The following SMARCAD1 variants were observed in gnomAD, a reference collection of about 807,000 sequenced individuals.
SMARCAD1 encodes SWI/SNF-related matrix-associated actin-dependent regulator of chromatin subfamily A containing DEAD/H box 1.
A neutral mutation model predicts 127.1 loss-of-function variants in SMARCAD1; 25 were observed. The observed-to-expected ratio is 0.20, with a 90% CI of 0.14 to 0.27. The LOEUF is 0.27. SMARCAD1 is among the 10% of genes least tolerant of loss of function. The pLI is 1.00. For synonymous variants in SMARCAD1, 400 were observed against 396.9 expected, an observed-to-expected ratio of 1.01 and a Z score of -0.09; for missense variants, 807 against 1,206.0, an observed-to-expected ratio of 0.67 and a Z score of 4.90.
intron 5 of SMARCAD1, among the ~76,000 whole-genome samples, chr4:94,239,137 T>C (rs1431945902): frequency 6.6e-6 from 1 of 152,218 alleles, no homozygotes; most frequent in Non-Finnish European, 1.5e-5. Flanking sequence ...AACAGTCTTA[T>C]CAGACATCTT....
At chr4:94,223,906 A>C (rs1304348688) in intron 2 of SMARCAD1, among the ~76,000 whole-genome samples, 1 of 151,998 alleles carries the variant, frequency 6.6e-6, no homozygotes, top group Non-Finnish European at 1.5e-5. Flanking sequence ...GAAGTGTCAG[A>C]AAGTAGGACT....
In SMARCAD1 at chr4:94,207,872, C is replaced by G. The variant is rs1741435565; in HGVS notation, c.-248C>G. On this transcript the variant is annotated 5_prime_UTR_variant, in exon 1 of 24. Coordinates refer to ENST00000354268, the MANE Select transcript of SMARCAD1 (RefSeq NM_020159.5). ...CTCAGCTGGGATCGCGCCGCGTCAA[C>G]TTCCGGGCGGATGCCCGCCAGCACG... The G allele has an allele frequency of 3.0e-6, 1 of 335,582 alleles. No individual in the cohort carries two copies. The highest frequency in any genetic ancestry group is 5.8e-6 in the Non-Finnish European group (1 of 171,770). 20.8% of individuals were successfully genotyped at this position (335,582 alleles called of 1,614,324 possible).
chr4:94,249,116 T>G (rs771701839), intron 6 of SMARCAD1, among the ~76,000 whole-genome samples: 9 of 152,102 alleles, frequency 5.9e-5, no homozygotes, highest in African/African-American at 9.7e-5. Flanking sequence ...AATTAATCTG[T>G]TCGGTTTATA....
At chr4:94,261,386 T>C (rs940682398) in intron 9 of SMARCAD1, among the ~76,000 whole-genome samples, 1 of 152,256 alleles carries the variant, frequency 6.6e-6, no homozygotes, top group Non-Finnish European at 1.5e-5. Flanking sequence ...GTAACATCTT[T>C]AGATTTCTAC....
chr4:94,285,860 T>C (rs1480661096), intron 23 of SMARCAD1, among the ~76,000 whole-genome samples: 1 of 152,194 alleles, frequency 6.6e-6, no homozygotes, highest in African/African-American at 2.4e-5. Context: ...AGGCTTTGTG[T>C]GCATGTGGCA....
chr4:94,274,720 G>T lies in SMARCAD1; in HGVS notation c.1673-18G>T, dbSNP rs987684061. The T allele has an allele frequency of 6.2e-7, 1 of 1,610,986 alleles. No individual in the cohort carries two copies. Among genetic ancestry groups the T allele is most frequent in the Non-Finnish European group, 8.5e-7 (1 of 1,177,152 alleles). On this transcript the variant is annotated intron_variant, in intron 12 of 23. Transcript: ENST00000354268. The stretch of plus-strand genomic sequence containing the variant: ...CCCTATTGTAGCAGATGCAAATAAT[G>T]TCTCTTCTGTTCCATAGATAACTGG...
Position 94,249,774 on chromosome 4 carries a change from A to C in SMARCAD1, c.807+19A>C. The C allele has an allele frequency of 7.4e-7, 1 of 1,352,756 alleles. No individual in the cohort carries two copies. The highest frequency in any genetic ancestry group is 1.1e-6 in the Non-Finnish European group (1 of 942,274). The allele number at this position is 1,352,756 out of a possible 1,614,324, so 83.8% of individuals were successfully genotyped here. Reference sequence around the variant, plus strand: ...TAAACAGGTGAGTAGTCGTGTATGAAAATTTAATCAGTGTGTACTAAGTGT... The same window carrying C: ...TAAACAGGTGAGTAGTCGTGTATGACAATTTAATCAGTGTGTACTAAGTGT... On this transcript the variant is annotated intron_variant, in intron 7 of 23. Transcript: ENST00000354268.
Position 94,280,799 on chromosome 4 carries a change from G to A in SMARCAD1, c.2607+19G>A, listed in dbSNP as rs368316506. ...ACAGAAGGTATTAAAAAAGAATGGC[G>A]TTTCTTTTGTATTTTCTCAATTACT... On this transcript the variant is annotated intron_variant, in intron 20 of 23. Coordinates refer to ENST00000354268, the MANE Select transcript of SMARCAD1 (RefSeq NM_020159.5). 103 of 1,609,244 alleles carry A rather than the reference G, an allele frequency of 6.4e-5. No individual in the cohort carries two copies. Among genetic ancestry groups the A allele is most frequent in the East Asian group, 8.9e-5 (4 of 44,714 alleles).
Position 94,240,763 on chromosome 4 carries a change from C to T in SMARCAD1, c.605-143C>T. 3 of 663,602 alleles carry T rather than the reference C, an allele frequency of 4.5e-6. No homozygotes were observed. In the East Asian group the frequency reaches 8.5e-5, roughly 19 times the overall value. The allele number at this position is 663,602 out of a possible 1,614,324, so 41.1% of individuals were successfully genotyped here. On this transcript the variant is annotated intron_variant, in intron 5 of 23. Transcript: ENST00000354268. ...TGTTTACTTTTTTTTTCAATTCAGT[C>T]ATATGTAGAACAACAAACACTGGGC...
intron 5 of SMARCAD1, among the ~76,000 whole-genome samples, chr4:94,240,318 T>G (rs2125881512): frequency 6.6e-6 from 1 of 152,368 alleles, no homozygotes; most frequent in South Asian, 2.1e-4. Flanking sequence ...AATATGCAGA[T>G]TTCCTGTTAC....
intron 8 of SMARCAD1, among the ~76,000 whole-genome samples, chr4:94,251,226 G>T (rs1749227591): frequency 6.6e-6 from 1 of 152,054 alleles, no homozygotes; most frequent in African/African-American, 2.4e-5. Context: ...GATATCAAAA[G>T]CACTAGCATC....
chr4:94,281,487 T>C lies in SMARCAD1; in HGVS notation c.2623T>C (p.Leu875=), dbSNP rs761213374. The change falls in exon 21 of 24, where the codon TTA becomes CTA. Residue 875 remains leucine (L), a synonymous_variant. Transcript: ENST00000354268. ...ATTTTCACAGGGTGATAGAGTTGTG[T>C]TATTTAGCCAATTTACCATGATGCT... The part of the protein sequence containing the change: ...ELKQKGDRVV[L]FSQFTMMLDI... 8 of 1,610,606 alleles carry C rather than the reference T, an allele frequency of 5.0e-6. No individual in the cohort carries two copies. In the African/African-American group the frequency reaches 1.1e-4, roughly 22 times the overall value.
In SMARCAD1 at chr4:94,264,701, C is replaced by CTA. The variant is rs777318913; in HGVS notation, c.1282-3_1282-2dup. ...CTATTCAATTATTTTTCTTTTTATG[C>CTA]TATAGTTCACAAAGATGTCCAAAAC... is the stretch of plus-strand genomic sequence containing the variant. On this transcript the variant is annotated splice_region_variant and splice_polypyrimidine_tract_variant and intron_variant, in intron 9 of 23. Coordinates refer to ENST00000354268, the MANE Select transcript of SMARCAD1 (RefSeq NM_020159.5). 7 of 1,596,598 alleles carry CTA rather than the reference C, an allele frequency of 4.4e-6. No homozygotes were observed. In the South Asian group the frequency reaches 7.8e-5, roughly 18 times the overall value.
chr4:94,220,748 A>G (rs934415159), intron 2 of SMARCAD1, among the ~76,000 whole-genome samples: 2 of 152,254 alleles, frequency 1.3e-5, no homozygotes, highest in Admixed American at 6.5e-5. Context: ...ATCAAGGCCA[A>G]GGCTCTAGAC....
intron 23 of SMARCAD1, among the ~76,000 whole-genome samples, chr4:94,287,841 A>G (rs1755163569): frequency 6.6e-6 from 1 of 151,882 alleles, no homozygotes; most frequent in African/African-American, 2.4e-5. Flanking sequence ...TTTTTTTATT[A>G]CAGAAATAGT....
chr4:94,224,227 G>T (rs1744652890), intron 2 of SMARCAD1, among the ~76,000 whole-genome samples: 1 of 152,160 alleles, frequency 6.6e-6, no homozygotes, highest in Admixed American at 6.5e-5. Context: ...AAAAAAGTAT[G>T]ATTTGCTTTT....
intron 9 of SMARCAD1, among the ~76,000 whole-genome samples, chr4:94,259,341 A>G (rs943551698): frequency 9.3e-4 from 142 of 152,368 alleles, no homozygotes; most frequent in African/African-American, 3.1e-3. Context: ...TTACTGTCAC[A>G]GCAGAATCTA....
At position 94,234,164 on chromosome 4, in the gene SMARCAD1, C is replaced by G. The variant is rs372930619; in HGVS notation, c.537+42C>G. The G allele has an allele frequency of 4.1e-4, 620 of 1,530,806 alleles. 1 individual carries two copies. Among genetic ancestry groups the G allele is most frequent in the Non-Finnish European group, 5.2e-4 (580 of 1,125,924 alleles). 94.8% of individuals were successfully genotyped at this position (1,530,806 alleles called of 1,614,324 possible). On this transcript the variant is annotated intron_variant, in intron 4 of 23. Transcript: ENST00000354268. ...ATTGTAGCTGTAATGATGATAAAAT[C>G]TCTCCTGCATTCAGTGCTATAGTTA...
intron 9 of SMARCAD1, among the ~76,000 whole-genome samples, chr4:94,261,260 AC>A (rs1750934614): frequency 6.6e-6 from 1 of 152,088 alleles, no homozygotes; most frequent in African/African-American, 2.4e-5. Context: ...TGTGTGACTT[AC>A]ATGTTAGGAA....
Sources: allele counts gnomAD v4.1 joint callset (sites outside exome capture counted in the v4.1 genomes callset), GRCh38; gene constraint gnomAD v4.1.1; transcripts MANE v1.5; gene names NCBI Gene and HGNC (gene_info 2026-07-23, HGNC 2026-07-21).